Variants in SEPTIN7 observed in about 807,000 individuals in gnomAD.
SEPTIN7 encodes the protein septin 7.
SEPTIN7 carries 10 observed loss-of-function variants against 63.3 expected under a neutral mutation model. The observed-to-expected ratio is 0.16, with a 90% CI of 0.10 to 0.27. The LOEUF (loss-of-function observed/expected upper bound fraction) is 0.27. Among genes scored for constraint, SEPTIN7 ranks in the 10% least tolerant of loss-of-function variants. The probability of loss-of-function intolerance (pLI) is 1.00; values close to 1 mark genes in which losing one functional copy is unlikely to be tolerated. For synonymous variants in SEPTIN7, 131 were observed against 165.3 expected (o/e 0.79, Z 1.59); for missense variants, 310 against 521.0 (o/e 0.59, Z 3.94).
At chr7:35,815,790 A>G (rs1789018522) in intron 1 of SEPTIN7, among the ~76,000 whole-genome samples, 1 of 152,082 alleles carries the variant, frequency 6.6e-6, no homozygotes, top group Admixed American at 6.5e-5. Flanking sequence ...TTTATTTGTT[A>G]CTATTTCTTT....
intron 1 of SEPTIN7, among the ~76,000 whole-genome samples, chr7:35,820,165 A>G (rs765531780): frequency 5.3e-5 from 8 of 152,040 alleles, no homozygotes; most frequent in Non-Finnish European, 8.8e-5. Flanking sequence ...TCTTATACAT[A>G]TAGTTGCTTC....
At chr7:35,907,948 A>G (rs1469270488), downstream of SEPTIN7, among the ~76,000 whole-genome samples, 1 of 152,246 alleles carries the variant, frequency 6.6e-6, no homozygotes, top group African/African-American at 2.4e-5. Context: ...TGCTGGGGTC[A>G]TGACAGACCA....
At chr7:35,841,495 A>T (rs1784406626) in intron 3 of SEPTIN7, among the ~76,000 whole-genome samples, 1 of 152,220 alleles carries the variant, frequency 6.6e-6, no homozygotes, top group Non-Finnish European at 1.5e-5. Flanking sequence ...ACAGACCGAG[A>T]GGCCTAAGAT....
chr7:35,813,928 A>C (rs1788891187), intron 1 of SEPTIN7, among the ~76,000 whole-genome samples: 1 of 152,150 alleles, frequency 6.6e-6, no homozygotes, highest in Admixed American at 6.5e-5. Flanking sequence ...ATATTATATT[A>C]CTGTAACATT....
At chr7:35,803,995 A>G (rs755943537) in intron 1 of SEPTIN7, among the ~76,000 whole-genome samples, 1 of 152,184 alleles carries the variant, frequency 6.6e-6, no homozygotes, top group Non-Finnish European at 1.5e-5. Context: ...TAGGTGGGGA[A>G]GTAATTTTTT....
chr7:35,830,526 T>G (rs1226913680), intron 1 of SEPTIN7, among the ~76,000 whole-genome samples: 1 of 152,232 alleles, frequency 6.6e-6, no homozygotes, highest in Non-Finnish European at 1.5e-5. Context: ...GATTCTAAGA[T>G]GCTGCTAAGG....
chr7:35,891,462 T>C (rs1413680842), intron 11 of SEPTIN7, among the ~76,000 whole-genome samples: 1 of 152,228 alleles, frequency 6.6e-6, no homozygotes, highest in Non-Finnish European at 1.5e-5. Flanking sequence ...CTATACAGCA[T>C]GTTACTGTAC....
intron 3 of SEPTIN7, among the ~76,000 whole-genome samples, chr7:35,856,656 C>A (rs1332859410): frequency 6.6e-6 from 1 of 152,164 alleles, no homozygotes; most frequent in Non-Finnish European, 1.5e-5. Flanking sequence ...TTTCTGCCTC[C>A]TTACCCTGAA....
At chr7:35,837,399 A>G (rs1200791864) in intron 3 of SEPTIN7, among the ~76,000 whole-genome samples, 1 of 152,182 alleles carries the variant, frequency 6.6e-6, no homozygotes, top group Non-Finnish European at 1.5e-5. Context: ...GGTTAGATAT[A>G]TCATTCTTGG....
At chr7:35,883,225 A>G (rs547120455) in intron 8 of SEPTIN7, among the ~76,000 whole-genome samples, 3 of 152,212 alleles carry the variant, frequency 2.0e-5, no homozygotes, top group African/African-American at 7.2e-5. Context: ...TCACATCAAC[A>G]TATTTTCTGT....
intron 6 of SEPTIN7, among the ~76,000 whole-genome samples, chr7:35,875,870 G>T (rs1394471892): frequency 6.6e-6 from 1 of 152,090 alleles, no homozygotes; most frequent in African/African-American, 2.4e-5. Flanking sequence ...TTTCTCTCTA[G>T]TATGGGTTTA....
intron 1 of SEPTIN7, among the ~76,000 whole-genome samples, chr7:35,809,552 C>T (rs1009648184): frequency 2.0e-5 from 3 of 152,134 alleles, no homozygotes; most frequent in South Asian, 2.1e-4. Flanking sequence ...ATTTGTGATA[C>T]GATATAAAGG....
chr7:35,909,680 A>G (rs1369816676), downstream of SEPTIN7, among the ~76,000 whole-genome samples: 1 of 152,232 alleles, frequency 6.6e-6, no homozygotes, highest in African/African-American at 2.4e-5. Context: ...GCATTCACAT[A>G]GATTGTGAAC....
At chr7:35,859,979 ATACT>A (rs1195908062) in intron 3 of SEPTIN7, among the ~76,000 whole-genome samples, 1 of 152,134 alleles carries the variant, frequency 6.6e-6, no homozygotes, top group Non-Finnish European at 1.5e-5. Flanking sequence ...TTACATATAA[ATACT>A]TATAAGGAAG....
intron 3 of SEPTIN7, among the ~76,000 whole-genome samples, chr7:35,860,323 C>T (rs1785438330): frequency 6.6e-6 from 1 of 152,094 alleles, no homozygotes; most frequent in Non-Finnish European, 1.5e-5. Flanking sequence ...AACACAGATT[C>T]ATGATTTTTT....
chr7:35,837,814 C>T (rs1171590616), intron 3 of SEPTIN7, among the ~76,000 whole-genome samples: 2 of 152,132 alleles, frequency 1.3e-5, no homozygotes, highest in African/African-American at 4.8e-5. Flanking sequence ...CCACTGCAAC[C>T]TCCACCTCCC....
Position 35,830,732 on chromosome 7 carries a change from T to C in SEPTIN7, c.62-760T>C, listed in dbSNP as rs921624728. Among the ~76,000 whole-genome samples the C allele has an allele frequency of 3.3e-5, 5 of 152,366 alleles. No homozygotes were observed. The South Asian group carries it at 1.0e-3, about 32-fold the overall frequency. On this transcript the variant is annotated intron_variant, in intron 1 of 13. Coordinates refer to ENST00000350320, the MANE Select transcript of SEPTIN7 (RefSeq NM_001788.6). ...TGGGTTGTGATATAACTCATAGATT[T>C]GTATCAGTATAAAAATGCACACTTT...
chr7:35,812,193 G>A lies in SEPTIN7; in HGVS notation c.61+10923G>A, dbSNP rs557169490. 16 of 163,374 alleles carry A rather than the reference G, an allele frequency of 9.8e-5. No individual in the cohort carries two copies. In the South Asian group the frequency reaches 1.9e-3, roughly 19 times the overall value. 10.1% of individuals were successfully genotyped at this position (163,374 alleles called of 1,614,324 possible). A position where few individuals can be genotyped will look rare whatever the true frequency, so the allele number is the denominator to read the frequency against. ...ATGGCTAACTCAACTTCAGCTGTGG[G>A]CGAAAAAGATAACTAGAATGACTTA... On this transcript the variant is annotated intron_variant, in intron 1 of 13. Transcript: ENST00000350320.
intron 11 of SEPTIN7, among the ~76,000 whole-genome samples, chr7:35,891,887 T>G (rs2116338492): frequency 6.6e-6 from 1 of 152,306 alleles, no homozygotes; most frequent in South Asian, 2.1e-4. Flanking sequence ...TTTATAATCT[T>G]TATAAGCTTT....
Sources: gnomAD v4.1 joint callset for allele counts (sites outside exome capture counted in the v4.1 genomes callset) on GRCh38, gnomAD v4.1.1 for gene constraint, MANE v1.5 for transcripts, NCBI Gene and HGNC (gene_info 2026-07-23, HGNC 2026-07-21) for gene names.